Variants in MACROH2A2 observed in about 807,000 individuals in gnomAD.
MACROH2A2 encodes the protein macroH2A.2 histone.
MACROH2A2 carries 6 observed loss-of-function variants against 37.6 expected under a neutral mutation model. That is an observed-to-expected ratio of 0.16 (90% CI 0.09 to 0.32). The LOEUF (loss-of-function observed/expected upper bound fraction) is 0.32, where lower values mean the gene tolerates loss of function less well. Ranked by LOEUF, MACROH2A2 falls within the 10% of genes least tolerant of loss-of-function variation. The pLI is 1.00. For missense variants in MACROH2A2, 290 were observed against 485.9 expected (o/e 0.60, Z 3.79); for synonymous variants, 192 against 202.7 (o/e 0.95, Z 0.45).
intron 6 of MACROH2A2, among the ~76,000 whole-genome samples, chr10:70,097,412 T>G (rs1209750326): frequency 6.6e-6 from 1 of 152,188 alleles, no homozygotes; most frequent in Non-Finnish European, 1.5e-5. Flanking sequence ...GTTTTATTGC[T>G]GCTGTGTTAG....
Position 70,104,981 on chromosome 10 carries a change from G to C in MACROH2A2, c.779-4052G>C, listed in dbSNP as rs147668239. 3.3e-3 allele frequency among the ~76,000 whole-genome samples: 501 copies of C among 152,358 alleles called. 4 individuals carry two copies. Among genetic ancestry groups the C allele is most frequent in the African/African-American group, 0.012 (490 of 41,580 alleles). ...GGCCCACCCTGTGGCAGGGGGTCGG[G>C]GAGGGTGGATCAAGAAAATATTTCA... On this transcript the variant is annotated intron_variant, in intron 7 of 8. Coordinates refer to ENST00000373255, the MANE Select transcript of MACROH2A2 (RefSeq NM_018649.3).
intron 7 of MACROH2A2, among the ~76,000 whole-genome samples, chr10:70,105,332 G>A (rs16927298): frequency 0.069 from 10,467 of 152,214 alleles, 534 homozygotes; most frequent in East Asian, 0.22. Context: ...AACCAGGCGG[G>A]GACCCCAGGG....
chr10:70,081,219 GAGGATTACATAAA>G (rs1408746053), intron 2 of MACROH2A2, among the ~76,000 whole-genome samples: 5 of 152,102 alleles, frequency 3.3e-5, no homozygotes, highest in African/African-American at 1.2e-4. Flanking sequence ...ATGTTACTGT[GAGGATTACATAAA>G]ATAATGCATG....
At position 70,075,648 on chromosome 10, in the gene MACROH2A2, A is replaced by G. The variant is rs750245244; in HGVS notation, c.-11A>G. 1.9e-6 allele frequency: 3 copies of G among 1,613,658 alleles called. No homozygotes were observed. In the African/African-American group the frequency reaches 4.0e-5, roughly 22 times the overall value. ...ACTGTGTCAGCAAGCTGAGAGGGAA[A>G]CTGAAGCAAGATGTCGGGCCGGAGT... is the stretch of plus-strand genomic sequence containing the variant. On this transcript the variant is annotated 5_prime_UTR_variant, in exon 2 of 9. Coordinates refer to ENST00000373255, the MANE Select transcript of MACROH2A2 (RefSeq NM_018649.3). This position sits in a 1 kb window ranked among gnomAD's most constrained non-coding sequence, Gnocchi z 5.0.
intron 2 of MACROH2A2, among the ~76,000 whole-genome samples, chr10:70,077,591 G>T (rs2072146985): frequency 6.7e-6 from 1 of 149,198 alleles, no homozygotes; most frequent in African/African-American, 2.5e-5. Context: ...AAAAAATAAA[G>T]GCCGGGCACA....
chr10:70,095,204 T>TA (rs1423848803), intron 5 of MACROH2A2, among the ~76,000 whole-genome samples: 1 of 151,978 alleles, frequency 6.6e-6, no homozygotes, highest in African/African-American at 2.4e-5. Flanking sequence ...CCGTCTCTAC[T>TA]AAAAATACAA....
chr10:70,100,151 C>G lies in MACROH2A2; in HGVS notation c.689-57C>G. ...CCTGGCCTACTACAAATATGTCAAA[C>G]AGTGTAATTAGATTGAAAGAACAAC... On this transcript the variant is annotated intron_variant, in intron 6 of 8. Coordinates refer to ENST00000373255, the MANE Select transcript of MACROH2A2 (RefSeq NM_018649.3). 9 of 870,510 alleles carry G rather than the reference C, an allele frequency of 1.0e-5. No homozygotes were observed. The South Asian group carries it at 1.3e-4, about 13-fold the overall frequency. 53.9% of individuals were successfully genotyped at this position (870,510 alleles called of 1,614,324 possible).
intron 2 of MACROH2A2, among the ~76,000 whole-genome samples, chr10:70,076,292 G>A (rs551494333): frequency 2.6e-5 from 4 of 152,218 alleles, no homozygotes; most frequent in South Asian, 2.1e-4. Context: ...AACATTTATC[G>A]CATCATTAAA....
chr10:70,080,017 C>T (rs1165753066), intron 2 of MACROH2A2, among the ~76,000 whole-genome samples: 4 of 152,110 alleles, frequency 2.6e-5, no homozygotes, highest in Admixed American at 6.6e-5. Context: ...TGGTGGCTCA[C>T]GCCTGTAATC....
chr10:70,081,529 C>T (rs1031371826), intron 2 of MACROH2A2, among the ~76,000 whole-genome samples: 7 of 151,846 alleles, frequency 4.6e-5, no homozygotes, highest in South Asian at 2.1e-4. Flanking sequence ...GAGCGTGTGA[C>T]GCGTCAGAGG....
At chr10:70,106,823 G>T (rs1367903620) in intron 7 of MACROH2A2, among the ~76,000 whole-genome samples, 1 of 133,518 alleles carries the variant, frequency 7.5e-6, no homozygotes, top group Non-Finnish European at 1.6e-5. Flanking sequence ...AAAAAAAAAA[G>T]ACTTTACATT....
intron 7 of MACROH2A2, among the ~76,000 whole-genome samples, chr10:70,100,693 T>C (rs2072301898): frequency 1.3e-5 from 2 of 149,878 alleles, no homozygotes; most frequent in Admixed American, 6.8e-5. Context: ...CTCAGCTCAC[T>C]GCAACCTCTG....
chr10:70,086,293 G>GAA (rs56120002), intron 2 of MACROH2A2, among the ~76,000 whole-genome samples: 2 of 133,554 alleles, frequency 1.5e-5, no homozygotes, highest in Non-Finnish European at 3.3e-5. Context: ...TCTCTCTAAG[G>GAA]AAAAAAAAAA....
intron 2 of MACROH2A2, among the ~76,000 whole-genome samples, chr10:70,082,554 G>T (rs1461164001): frequency 1.3e-5 from 2 of 152,208 alleles, no homozygotes; most frequent in African/African-American, 4.8e-5. Context: ...ATCAACAGAC[G>T]AATGGATAAG....
intron 7 of MACROH2A2, among the ~76,000 whole-genome samples, chr10:70,106,048 TAAAAG>T (rs372381101): frequency 5.8e-4 from 88 of 152,186 alleles, no homozygotes; most frequent in African/African-American, 1.9e-3. Flanking sequence ...GAGGTGCTGT[TAAAAG>T]AAAACCCACA....
intron 1 of MACROH2A2, among the ~76,000 whole-genome samples, chr10:70,067,025 C>T (rs1240797717): frequency 6.6e-6 from 1 of 152,176 alleles, no homozygotes; most frequent in Non-Finnish European, 1.5e-5. Flanking sequence ...CCATGATGTG[C>T]AAGCTTCCTT....
chr10:70,090,004 G>A, intron 2 of MACROH2A2, 56 bp from the exon 3 acceptor site: 1 of 1,076,054 alleles, frequency 9.3e-7, no homozygotes, highest in Non-Finnish European at 1.4e-6. Flanking sequence ...CTAAAGAAAA[G>A]CTTTAGCTCA....
chr10:70,068,451 T>C (rs906164190), intron 1 of MACROH2A2, among the ~76,000 whole-genome samples: 9 of 152,230 alleles, frequency 5.9e-5, no homozygotes, highest in African/African-American at 2.2e-4. Context: ...GAAAAAGTAT[T>C]CTTATTCTGT....
At chr10:70,074,610 G>A (rs933207736) in intron 1 of MACROH2A2, among the ~76,000 whole-genome samples, 5 of 152,144 alleles carry the variant, frequency 3.3e-5, no homozygotes, top group Non-Finnish European at 2.9e-5. Flanking sequence ...GGACCTGGTG[G>A]GAGATAATTG....
Sources: allele counts gnomAD v4.1 joint callset (sites outside exome capture counted in the v4.1 genomes callset), GRCh38; gene constraint gnomAD v4.1.1; non-coding constraint Gnocchi (gnomAD v3.1); transcripts MANE v1.5; gene names NCBI Gene and HGNC (gene_info 2026-07-23, HGNC 2026-07-21).